MGLL: variants seen among roughly 807,000 people sequenced by gnomAD.
MGLL encodes the protein monoglyceride lipase.
Under a neutral mutation model 29.1 loss-of-function variants are expected in MGLL, and 7 were observed. The ratio of observed to expected loss-of-function variants is 0.24; its 90% CI spans 0.14 to 0.45. The LOEUF (loss-of-function observed/expected upper bound fraction) is 0.45. Among genes scored for constraint, MGLL ranks in the 20% least tolerant of loss-of-function variants. MGLL has a pLI of 0.99. For missense variants in MGLL, 356 were observed against 413.6 expected (o/e 0.86, Z 1.21); for synonymous variants, 148 against 168.3 (o/e 0.88, Z 0.93).
intron 3 of MGLL, among the ~76,000 whole-genome samples, chr3:127,743,268 T>A (rs1021417324): frequency 1.3e-5 from 2 of 152,194 alleles, no homozygotes. Context: ...AATGCTTTAT[T>A]GGAGAGAGGA....
intron 3 of MGLL, among the ~76,000 whole-genome samples, chr3:127,722,956 C>T (rs1273431230): frequency 1.3e-5 from 2 of 152,244 alleles, no homozygotes; most frequent in Non-Finnish European, 2.9e-5. Flanking sequence ...TGCATTTTCC[C>T]TGTTCCTTGC....
intron 2 of MGLL, among the ~76,000 whole-genome samples, chr3:127,784,283 G>A (rs532078768): frequency 6.6e-6 from 1 of 152,304 alleles, no homozygotes; most frequent in South Asian, 2.1e-4. Context: ...ACTCCCAGGG[G>A]ACCTCTGGGT....
intron 2 of MGLL, among the ~76,000 whole-genome samples, chr3:127,797,409 C>T (rs898850491): frequency 2.6e-5 from 4 of 152,100 alleles, no homozygotes; most frequent in Non-Finnish European, 4.4e-5. Context: ...TCTAGTCTTG[C>T]TCCGCATGCA....
chr3:127,704,690 G>C (rs1179742397), intron 6 of MGLL, among the ~76,000 whole-genome samples: 1 of 152,172 alleles, frequency 6.6e-6, no homozygotes, highest in Non-Finnish European at 1.5e-5. Context: ...ACCACAATGA[G>C]ATACCATCTC....
At chr3:127,791,454 TTA>T (rs2077299131) in intron 2 of MGLL, among the ~76,000 whole-genome samples, 1 of 152,204 alleles carries the variant, frequency 6.6e-6, no homozygotes, top group Non-Finnish European at 1.5e-5. Flanking sequence ...TTGCAGTTGA[TTA>T]TGTTTTGTTT....
At chr3:127,801,568 A>T (rs1205188264) in intron 2 of MGLL, among the ~76,000 whole-genome samples, 1 of 152,018 alleles carries the variant, frequency 6.6e-6, no homozygotes, top group Non-Finnish European at 1.5e-5. Context: ...GTGAGCCGAG[A>T]TCGCACCATT....
At chr3:127,784,774 T>C (rs1408958672) in intron 2 of MGLL, among the ~76,000 whole-genome samples, 13 of 152,204 alleles carry the variant, frequency 8.5e-5, no homozygotes. Context: ...CCGATTCAGA[T>C]AACTCAATCT....
chr3:127,748,919 ATGCCCACCTC>A (rs1206302763), intron 3 of MGLL, among the ~76,000 whole-genome samples: 1 of 152,170 alleles, frequency 6.6e-6, no homozygotes, highest in Non-Finnish European at 1.5e-5. Context: ...GCTTGGAATG[ATGCCCACCTC>A]TGCCCACCTC....
intron 2 of MGLL, among the ~76,000 whole-genome samples, chr3:127,808,361 A>C (rs560834937): frequency 7.5e-4 from 114 of 152,172 alleles, no homozygotes; most frequent in Admixed American, 3.8e-3. Flanking sequence ...GCAGTCTTAA[A>C]ATGGTTGCCA....
intron 3 of MGLL, among the ~76,000 whole-genome samples, chr3:127,748,413 AGAGAGAGAGAGAGAGG>A (rs1246649138): frequency 2.5e-5 from 3 of 119,428 alleles, no homozygotes; most frequent in African/African-American, 8.3e-5. Flanking sequence ...AGAGAAAGAG[AGAGAGAGAGAGAGAGG>A]GAGAGAGAGA....
chr3:127,743,019 T>C (rs1232102858), intron 3 of MGLL, among the ~76,000 whole-genome samples: 2 of 152,256 alleles, frequency 1.3e-5, no homozygotes, highest in African/African-American at 2.4e-5. Flanking sequence ...TTTGCCATGT[T>C]GGCCGAGCTG....
At chr3:127,754,073 G>A (rs778296083) in intron 3 of MGLL, among the ~76,000 whole-genome samples, 13 of 152,216 alleles carry the variant, frequency 8.5e-5, no homozygotes, top group Non-Finnish European at 1.3e-4. Context: ...TCACTTTTGG[G>A]TGGTGGCCCG....
intron 2 of MGLL, among the ~76,000 whole-genome samples, chr3:127,806,022 T>TC (rs1485285030): frequency 6.6e-6 from 1 of 152,256 alleles, no homozygotes; most frequent in Non-Finnish European, 1.5e-5. Flanking sequence ...GCAGGCTGTC[T>TC]CCCCAATTCT....
chr3:127,790,069 G>A (rs2077275161), intron 2 of MGLL, among the ~76,000 whole-genome samples: 1 of 152,256 alleles, frequency 6.6e-6, no homozygotes, highest in African/African-American at 2.4e-5. Flanking sequence ...TTAAAAAGCA[G>A]TATCCTGTGG....
In MGLL at chr3:127,698,584, G is replaced by A. The variant is rs143347710; in HGVS notation, c.601-3394C>T. Among the ~76,000 whole-genome samples, 305 of 152,292 alleles carry A rather than the reference G, an allele frequency of 2.0e-3. 2 individuals are homozygous for A. Among genetic ancestry groups the A allele is most frequent in the East Asian group, 3.9e-3 (20 of 5,178 alleles). On this transcript the variant is annotated intron_variant, in intron 6 of 7. Coordinates refer to ENST00000265052, the MANE Select transcript of MGLL (RefSeq NM_007283.7). ...GACTCACGGCTCTCAGGGCTGAGGA[G>A]GGTGTGGGGCGAGTGGGGAGGGGAT...
rs78164146 is a variant in MGLL at position 127,761,833 on chromosome 3, C to G, written c.262+19956G>C. Among the ~76,000 whole-genome samples the G allele has an allele frequency of 4.9e-3, 743 of 152,282 alleles. 10 individuals are homozygous for G. Among genetic ancestry groups the G allele is most frequent in the African/African-American group, 0.017 (706 of 41,556 alleles). On this transcript the variant is annotated intron_variant, in intron 3 of 7. Transcript: ENST00000265052. This position sits in a 1 kb window ranked among gnomAD's most constrained non-coding sequence, Gnocchi z 4.6. Reference sequence around the variant, plus strand: ...TCATTCTCAAATGCCCAGACAAGCACTAAATATGCGTAGTGCACCCAGCGC... The same window carrying G: ...TCATTCTCAAATGCCCAGACAAGCAGTAAATATGCGTAGTGCACCCAGCGC...
At chr3:127,804,522 G>A (rs1450833524) in intron 2 of MGLL, among the ~76,000 whole-genome samples, 3 of 152,184 alleles carry the variant, frequency 2.0e-5, no homozygotes, top group Non-Finnish European at 4.4e-5. Context: ...AGAGCCCACA[G>A]GTCAAACTAT....
intron 5 of MGLL, among the ~76,000 whole-genome samples, chr3:127,715,175 G>T (rs2075791244): frequency 6.6e-6 from 1 of 152,184 alleles, no homozygotes; most frequent in African/African-American, 2.4e-5. Context: ...TGGGGCCCTG[G>T]CATCAGGGCC....
At chr3:127,715,414 A>C (rs1407439332) in intron 5 of MGLL, 2 of 323,084 alleles carry the variant, frequency 6.2e-6, no homozygotes, top group Non-Finnish European at 1.2e-5. Flanking sequence ...CAAATATTTT[A>C]ATGATAACTT....
Sources: gnomAD v4.1 joint callset for allele counts (sites outside exome capture counted in the v4.1 genomes callset) on GRCh38, gnomAD v4.1.1 for gene constraint, Gnocchi (gnomAD v3.1) non-coding constraint, MANE v1.5 for transcripts, NCBI Gene and HGNC (gene_info 2026-07-23, HGNC 2026-07-21) for gene names.